Variants in HACL1 observed in about 807,000 individuals in gnomAD.
HACL1 encodes 1600020H07Rik.
In HACL1, 64 loss-of-function variants were observed where a neutral mutation model predicts 74.2. The ratio of observed to expected loss-of-function variants is 0.86; its 90% CI spans 0.70 to 1.06. HACL1 has a LOEUF of 1.06. HACL1 is among the 50% of genes least tolerant of loss of function. The pLI is 0.00. For synonymous variants in HACL1, 230 were observed against 238.8 expected (o/e 0.96, Z 0.34); for missense variants, 728 against 719.7 (o/e 1.01, Z -0.13).
At chr3:15,598,841 G>C (rs954570794) in intron 2 of HACL1, among the ~76,000 whole-genome samples, 1 of 152,204 alleles carries the variant, frequency 6.6e-6, no homozygotes, top group East Asian at 1.9e-4. Context: ...CAGGATGCTT[G>C]AGGGACATAT....
rs528899125 is a variant in HACL1, at chr3:15,592,220, G to C, written c.228-540C>G. Among the ~76,000 whole-genome samples, 30 of 145,268 alleles carry C rather than the reference G, an allele frequency of 2.1e-4. 1 individual carries two copies. Among genetic ancestry groups the C allele is most frequent in the African/African-American group, 7.6e-4 (29 of 37,962 alleles). ...TATATGTATACATGCGTGTATATAT[G>C]TATACATACGTATATACGTATACAT... On this transcript the variant is annotated intron_variant, in intron 3 of 16. Coordinates refer to ENST00000321169, the MANE Select transcript of HACL1 (RefSeq NM_012260.4).
At chr3:15,595,440 T>TA (rs552924084) in intron 3 of HACL1, among the ~76,000 whole-genome samples, 1 of 151,590 alleles carries the variant, frequency 6.6e-6, no homozygotes, top group African/African-American at 2.4e-5. Context: ...TTTTTGGAAA[T>TA]AAAAAAATGT....
chr3:15,585,169 G>T, intron 7 of HACL1, 79 bp downstream of exon 7: 3 of 719,422 alleles, frequency 4.2e-6, no homozygotes, highest in South Asian at 1.7e-5. Context: ...TAAACTGCTG[G>T]GTAAATTCTT....
chr3:15,594,749 T>G (rs2064025015), intron 3 of HACL1, among the ~76,000 whole-genome samples: 1 of 152,228 alleles, frequency 6.6e-6, no homozygotes, highest in Non-Finnish European at 1.5e-5. Context: ...TTAATTAATT[T>G]AAATGTAAAC....
Position 15,597,591 on chromosome 3 carries a change from T to C in HACL1, c.187-1167A>G, listed in dbSNP as rs868101376. Among the ~76,000 whole-genome samples, 9 of 146,808 alleles carry C rather than the reference T, an allele frequency of 6.1e-5. 1 individual carries two copies. In the South Asian group the frequency reaches 2.0e-3, roughly 32 times the overall value. ...CTTCATTCAGCTTTAAATGAAGTAGTATACTGTCTTAAAGAACTCCACATT... is the reference window on the plus strand; with the variant it reads ...CTTCATTCAGCTTTAAATGAAGTAGCATACTGTCTTAAAGAACTCCACATT... On this transcript the variant is annotated intron_variant, in intron 2 of 16. Coordinates refer to ENST00000321169, the MANE Select transcript of HACL1 (RefSeq NM_012260.4).
chr3:15,594,556 A>C (rs2064021703), intron 3 of HACL1, among the ~76,000 whole-genome samples: 1 of 152,242 alleles, frequency 6.6e-6, no homozygotes. Flanking sequence ...CAGACTTGAA[A>C]ATAAGTAATT....
intron 4 of HACL1, among the ~76,000 whole-genome samples, chr3:15,591,054 C>G (rs555216848): frequency 3.9e-5 from 6 of 152,322 alleles, no homozygotes; most frequent in African/African-American, 1.4e-4. Context: ...GCACTCCAGC[C>G]TGGGCGACAG....
At chr3:15,592,435 G>C (rs1018342455) in intron 3 of HACL1, among the ~76,000 whole-genome samples, 6 of 140,368 alleles carry the variant, frequency 4.3e-5, no homozygotes, top group Admixed American at 7.0e-5. Context: ...TATGCATGTA[G>C]ACACACGTAT....
At chr3:15,595,428 C>T (rs2064038320) in intron 3 of HACL1, among the ~76,000 whole-genome samples, 1 of 151,710 alleles carries the variant, frequency 6.6e-6, no homozygotes, top group Admixed American at 6.6e-5. Context: ...TTACTAGTTT[C>T]ATTTTTGGAA....
intron 12 of HACL1, among the ~76,000 whole-genome samples, chr3:15,570,790 G>C (rs115851153): frequency 6.6e-6 from 1 of 151,654 alleles, no homozygotes; most frequent in Non-Finnish European, 1.5e-5. Context: ...AAATGAGAGC[G>C]CTGCAAAAAA....
At chr3:15,563,238 A>T in intron 16 of HACL1, 120 bp downstream of exon 16, 1 of 666,178 alleles carries the variant, frequency 1.5e-6, no homozygotes, top group Non-Finnish European at 2.6e-6. Context: ...TGCCAAACTC[A>T]GAAATGGTTT....
chr3:15,595,171 T>C (rs1052931762), intron 3 of HACL1, among the ~76,000 whole-genome samples: 1 of 152,202 alleles, frequency 6.6e-6, no homozygotes, highest in South Asian at 2.1e-4. Context: ...TCTTAATCAT[T>C]GTTCTAGCAT....
chr3:15,586,479 T>C lies in HACL1; in HGVS notation c.459+46A>G, dbSNP rs369105923. 317 of 996,702 alleles carry C rather than the reference T, an allele frequency of 3.2e-4. No homozygotes were observed. The Middle Eastern group carries it at 6.5e-3, about 21-fold the overall frequency. The allele number at this position is 996,702 out of a possible 1,614,324, so 61.7% of individuals were successfully genotyped here. On this transcript the variant is annotated intron_variant, in intron 6 of 16. Coordinates refer to ENST00000321169, the MANE Select transcript of HACL1 (RefSeq NM_012260.4). Reference sequence around the variant, plus strand: ...AAAAATAACAGTAAGTATGAGCAACTGAGAAAAATCAGTTGACTTGGAGAG... The same window carrying C: ...AAAAATAACAGTAAGTATGAGCAACCGAGAAAAATCAGTTGACTTGGAGAG...
chr3:15,584,583 G>C (rs2063763070), intron 7 of HACL1, among the ~76,000 whole-genome samples: 1 of 151,882 alleles, frequency 6.6e-6, no homozygotes, highest in Non-Finnish European at 1.5e-5. Flanking sequence ...GAGAGACTCA[G>C]TCTCAAATTG....
intron 4 of HACL1, 42 bp from the exon 5 acceptor site, chr3:15,589,654 T>C: frequency 8.3e-7 from 1 of 1,199,690 alleles, no homozygotes; most frequent in Non-Finnish European, 1.2e-6. Context: ...ACAAATTAGA[T>C]CATCATGTAA....
chr3:15,578,582 G>T (rs78403907), intron 9 of HACL1, among the ~76,000 whole-genome samples: 5 of 152,162 alleles, frequency 3.3e-5, no homozygotes, highest in Non-Finnish European at 7.4e-5. Context: ...AAAGGATCAG[G>T]AAAAGGGCCA....
intron 9 of HACL1, among the ~76,000 whole-genome samples, chr3:15,575,452 T>C (rs1422671636): frequency 6.6e-6 from 1 of 152,220 alleles, no homozygotes; most frequent in Non-Finnish European, 1.5e-5. Context: ...CTATTATGAA[T>C]ATACTGGCAA....
At chr3:15,600,945 A>G in intron 2 of HACL1, 145 bp downstream of exon 2, 1 of 644,532 alleles carries the variant, frequency 1.6e-6, no homozygotes, top group Non-Finnish European at 2.8e-6. Context: ...TTGGTGTAAC[A>G]ACAGTTAATA....
rs200886837 is a variant in HACL1, at chr3:15,579,572, CAT to C, written c.803+336_803+337del. On this transcript the variant is annotated intron_variant, in intron 9 of 16. Transcript: ENST00000321169. ...TAGAGAAAGACAATTTAGAGAAAGA[CAT>C]AAATTTAAATATTCAAGATTTGAGA... is the stretch of plus-strand genomic sequence containing the variant. 7.3e-3 allele frequency among the ~76,000 whole-genome samples: 1,104 copies of C among 152,104 alleles called. 4 individuals are homozygous for C. Among genetic ancestry groups the C allele is most frequent in the Middle Eastern group, 0.021 (6 of 292 alleles).
Sources: gnomAD v4.1 joint callset for allele counts (sites outside exome capture counted in the v4.1 genomes callset) on GRCh38, gnomAD v4.1.1 for gene constraint, MANE v1.5 for transcripts, NCBI Gene and HGNC (gene_info 2026-07-23, HGNC 2026-07-21) for gene names.